HPS3: variants seen among roughly 807,000 people sequenced by gnomAD.
HPS3 encodes HPS3 biogenesis of lysosomal organelles complex 2 subunit 1.
In HPS3, 79 loss-of-function variants were observed where a neutral mutation model predicts 110.9. The observed-to-expected ratio is 0.71, with a 90% CI of 0.59 to 0.86. The LOEUF (loss-of-function observed/expected upper bound fraction) is 0.86. Among genes scored for constraint, HPS3 ranks in the 40% least tolerant of loss-of-function variants. HPS3 has a pLI of 0.00. For synonymous variants in HPS3, 428 were observed against 451.0 expected, an observed-to-expected ratio of 0.95 and a Z score of 0.65; for missense variants, 1,197 against 1,206.2, an observed-to-expected ratio of 0.99 and a Z score of 0.11.
intron 5 of HPS3, among the ~76,000 whole-genome samples, chr3:149,146,075 C>T (rs777186892): frequency 1.2e-4 from 18 of 152,178 alleles, no homozygotes; most frequent in Non-Finnish European, 2.2e-4. Context: ...GAGTTGCCTT[C>T]CCCTATTATG....
intron 1 of HPS3, among the ~76,000 whole-genome samples, chr3:149,134,737 G>A (rs1168308756): frequency 6.6e-6 from 1 of 152,154 alleles, no homozygotes; most frequent in Non-Finnish European, 1.5e-5. Context: ...CCTCATTAAC[G>A]AGGCCTTGAA....
intron 14 of HPS3, among the ~76,000 whole-genome samples, chr3:149,166,774 C>T (rs924965955): frequency 6.6e-6 from 1 of 152,124 alleles, no homozygotes; most frequent in Non-Finnish European, 1.5e-5. Flanking sequence ...TTTTAATTTG[C>T]AGTCCACACA....
chr3:149,159,515 A>G (rs780126762), intron 10 of HPS3, among the ~76,000 whole-genome samples: 6 of 152,330 alleles, frequency 3.9e-5, no homozygotes, highest in South Asian at 4.1e-4. Context: ...GTGAGCCACA[A>G]TTACACCACT....
intron 11 of HPS3, among the ~76,000 whole-genome samples, chr3:149,161,929 A>G (rs1723902169): frequency 6.6e-6 from 1 of 152,250 alleles, no homozygotes; most frequent in Non-Finnish European, 1.5e-5. Context: ...TACAAAAAAT[A>G]GGACACCTTG....
At chr3:149,165,435 C>T (rs1387656493) in intron 14 of HPS3, among the ~76,000 whole-genome samples, 1 of 151,756 alleles carries the variant, frequency 6.6e-6, no homozygotes, top group Non-Finnish European at 1.5e-5. Flanking sequence ...ATTAAAGGAG[C>T]AAAATCTTTG....
At chr3:149,139,878 G>T in intron 1 of HPS3, 126 bp from the exon 2 acceptor site, 1 of 900,970 alleles carries the variant, frequency 1.1e-6, no homozygotes, top group South Asian at 1.7e-5. Context: ...GTTACTTAGG[G>T]TTTTATTCTA....
In HPS3 at chr3:149,153,604, A is replaced by G. The variant is rs1485414787; in HGVS notation, c.1356A>G (p.Glu452=). 1 of 1,614,082 alleles carries G rather than the reference A, an allele frequency of 6.2e-7. No homozygotes were observed. Among genetic ancestry groups the G allele is most frequent in the African/African-American group, 1.3e-5 (1 of 74,940 alleles). ...ACATCATACTTTTGACTAAAGCAGA[A>G]CCTGAAGCCATTCCAGAGAGAAGAC... ...KNHIILLTKA[E]PEAIPERRQS... The change falls in exon 7 of 17, where the codon GAA becomes GAG. Residue 452 remains glutamate, a synonymous_variant. Coordinates refer to ENST00000296051, the MANE Select transcript of HPS3 (RefSeq NM_032383.5).
At chr3:149,134,657 ATT>A (rs1269328464) in intron 1 of HPS3, among the ~76,000 whole-genome samples, 1 of 152,196 alleles carries the variant, frequency 6.6e-6, no homozygotes, top group Non-Finnish European at 1.5e-5. Flanking sequence ...TGAGTCAGAT[ATT>A]TAATCAGGGT....
rs765786180 is a variant in HPS3, at chr3:149,162,299, A to G, written c.2258A>G (p.Lys753Arg). The G allele has an allele frequency of 6.2e-7, 1 of 1,614,048 alleles. No individual in the cohort carries two copies. Among genetic ancestry groups the G allele is most frequent in the East Asian group, 2.2e-5 (1 of 44,882 alleles). Residue 753 changes from lysine to arginine, a missense_variant, in exon 12 of 17, where the codon AAA becomes AGA. Lys to Arg is a conservative substitution (Grantham distance 26). Transcript: ENST00000296051. ...ASVLGLQKNNKIGIEEADSFF... is the reference protein window; with the variant it reads ...ASVLGLQKNNRIGIEEADSFF... ...GTTCTGGGCTTGCAGAAGAACAACAAAATTGGAATTGAAGAAGCAGATTCC... is the reference window on the plus strand; with the variant it reads ...GTTCTGGGCTTGCAGAAGAACAACAGAATTGGAATTGAAGAAGCAGATTCC...
intron 1 of HPS3, among the ~76,000 whole-genome samples, chr3:149,133,130 C>T (rs1721872035): frequency 6.6e-6 from 1 of 152,074 alleles, no homozygotes; most frequent in African/African-American, 2.4e-5. Context: ...ATTTCATAAA[C>T]TTAGTTGATA....
At chr3:149,152,478 G>C (rs184865302) in intron 6 of HPS3, among the ~76,000 whole-genome samples, 1 of 152,202 alleles carries the variant, frequency 6.6e-6, no homozygotes, top group African/African-American at 2.4e-5. Context: ...GAGGCCAGTG[G>C]AGGTAGGAGG....
chr3:149,168,573 A>G (rs545136573), intron 16 of HPS3: 1 of 152,482 alleles, frequency 6.6e-6, no homozygotes, highest in East Asian at 1.9e-4. Context: ...AGCACATAAA[A>G]TATTAGAAAT....
intron 1 of HPS3, among the ~76,000 whole-genome samples, chr3:149,138,110 C>T (rs757106233): frequency 2.6e-5 from 4 of 152,152 alleles, no homozygotes; most frequent in Non-Finnish European, 5.9e-5. Flanking sequence ...CCTGCAGGAT[C>T]TCTTTAGGCA....
At chr3:149,133,674 C>T (rs950557399) in intron 1 of HPS3, among the ~76,000 whole-genome samples, 1 of 152,178 alleles carries the variant, frequency 6.6e-6, no homozygotes, top group African/African-American at 2.4e-5. Flanking sequence ...AGTCAGCAGC[C>T]ATCAGCATCG....
At chr3:149,136,199 T>G (rs1274563488) in intron 1 of HPS3, among the ~76,000 whole-genome samples, 1 of 97,708 alleles carries the variant, frequency 1.0e-5, no homozygotes, top group East Asian at 2.5e-4. Context: ...ATAATATATG[T>G]ATATACATAT....
chr3:149,163,842 A>G lies in HPS3; in HGVS notation c.2482A>G (p.Ile828Val). Reference protein sequence around the residue: ...TTPLRTSEDLINACSHYGLIY... With the variant: ...TTPLRTSEDLVNACSHYGLIY... ...TATGAGAAATTCTTTTATGTTTTAG[A>G]TAAATGCCTGTAGTCATTATGGCTT... is the stretch of plus-strand genomic sequence containing the variant. The change falls in exon 14 of 17, where the codon ATA becomes GTA. Residue 828 changes from isoleucine (I) to valine (V), a missense_variant and splice_region_variant. Ile to Val is a conservative substitution (Grantham distance 29). Coordinates refer to ENST00000296051, the MANE Select transcript of HPS3 (RefSeq NM_032383.5). 1 of 1,481,594 alleles carries G rather than the reference A, an allele frequency of 6.7e-7. No homozygotes were observed. Among genetic ancestry groups the G allele is most frequent in the Non-Finnish European group, 9.4e-7 (1 of 1,059,176 alleles). 91.8% of individuals were successfully genotyped at this position (1,481,594 alleles called of 1,614,324 possible).
intron 4 of HPS3, among the ~76,000 whole-genome samples, chr3:149,142,654 A>AT (rs140421181): frequency 1.4e-3 from 206 of 151,200 alleles, no homozygotes; most frequent in African/African-American, 4.7e-3. Context: ...TCTAACCTTC[A>AT]TTTTTTTTTC....
At chr3:149,165,105 T>G (rs1000715529) in intron 14 of HPS3, among the ~76,000 whole-genome samples, 1 of 152,200 alleles carries the variant, frequency 6.6e-6, no homozygotes, top group African/African-American at 2.4e-5. Flanking sequence ...GTCTCTTGTC[T>G]CTAGTACTAT....
chr3:149,163,726 T>A (rs549810375), intron 13 of HPS3, 116 bp from the exon 14 acceptor site: 1 of 659,818 alleles, frequency 1.5e-6, no homozygotes, highest in South Asian at 1.7e-5. Context: ...CCCAGGAAAG[T>A]ATATACCTAA....
Sources: gnomAD v4.1 joint callset for allele counts (sites outside exome capture counted in the v4.1 genomes callset) on GRCh38, gnomAD v4.1.1 for gene constraint, MANE v1.5 for transcripts, NCBI Gene and HGNC (gene_info 2026-07-23, HGNC 2026-07-21) for gene names.